The following CDK14 variants were observed in gnomAD, a reference collection of about 807,000 sequenced individuals.
CDK14 encodes cyclin dependent kinase 14.
Under a neutral mutation model 60.7 loss-of-function variants are expected in CDK14, and 34 were observed. The observed-to-expected ratio is 0.56, with a 90% confidence interval of 0.43 to 0.75. The LOEUF is 0.75. Among genes scored for constraint, CDK14 ranks in the 30% least tolerant of loss-of-function variants. The probability of loss-of-function intolerance (pLI) is 0.00; values close to 1 mark genes in which losing one functional copy is unlikely to be tolerated. For synonymous variants in CDK14, 197 were observed against 203.7 expected (o/e 0.97, Z 0.28); for missense variants, 482 against 564.1 (o/e 0.85, Z 1.47).
chr7:90,859,867 A>T (rs1790948254), intron 5 of CDK14, among the ~76,000 whole-genome samples: 1 of 152,176 alleles, frequency 6.6e-6, no homozygotes. Context: ...CAGCAACTAG[A>T]TTCTGAATAA....
intron 2 of CDK14, among the ~76,000 whole-genome samples, chr7:90,662,327 C>T (rs1321556084): frequency 6.6e-6 from 1 of 152,328 alleles, no homozygotes; most frequent in East Asian, 1.9e-4. Context: ...AGTGAACCAG[C>T]ACCCAGGTTA....
intron 5 of CDK14, among the ~76,000 whole-genome samples, chr7:90,837,175 T>G (rs1472827831): frequency 1.3e-5 from 2 of 152,186 alleles, no homozygotes; most frequent in Admixed American, 1.3e-4. Flanking sequence ...TTCCTGGGCA[T>G]TGTGATCACA....
chr7:90,829,734 T>C (rs1298511886), intron 5 of CDK14, among the ~76,000 whole-genome samples: 1 of 152,156 alleles, frequency 6.6e-6, no homozygotes, highest in Non-Finnish European at 1.5e-5. Flanking sequence ...GGTTTCACCA[T>C]GTTGGTCAGG....
intron 4 of CDK14, among the ~76,000 whole-genome samples, chr7:90,756,253 G>A (rs1161676140): frequency 6.6e-6 from 1 of 152,130 alleles, no homozygotes; most frequent in Non-Finnish European, 1.5e-5. Flanking sequence ...ATAAGAAAAC[G>A]AACCACTTGG....
At chr7:90,686,590 AGGAC>A (rs1367171719) in intron 2 of CDK14, among the ~76,000 whole-genome samples, 7 of 152,202 alleles carry the variant, frequency 4.6e-5, no homozygotes, top group African/African-American at 1.7e-4. Flanking sequence ...GTAAAAGAAA[AGGAC>A]TCTGTCTTAA....
intron 5 of CDK14, among the ~76,000 whole-genome samples, chr7:90,812,366 G>A (rs1271802768): frequency 6.6e-6 from 1 of 151,846 alleles, no homozygotes; most frequent in Non-Finnish European, 1.5e-5. Context: ...CTATCGCAAG[G>A]ACAAAAAACC....
intron 2 of CDK14, among the ~76,000 whole-genome samples, chr7:90,628,045 C>G (rs1799911756): frequency 6.6e-6 from 1 of 152,182 alleles, no homozygotes; most frequent in Non-Finnish European, 1.5e-5. Context: ...GCCTTGACCT[C>G]CCAGGGTCAA....
chr7:90,798,566 A>G (rs1788523839), intron 5 of CDK14, among the ~76,000 whole-genome samples: 1 of 152,194 alleles, frequency 6.6e-6, no homozygotes, highest in Non-Finnish European at 1.5e-5. Flanking sequence ...TTTACAAAAT[A>G]TCAACAGCGG....
chr7:90,785,734 C>G (rs181578815), intron 4 of CDK14, among the ~76,000 whole-genome samples: 1 of 139,710 alleles, frequency 7.2e-6, no homozygotes, highest in African/African-American at 2.7e-5. Context: ...TTACAGTGAG[C>G]TGAGATCATG....
At chr7:91,086,881 CAAAAT>C (rs1424637437) in intron 12 of CDK14, among the ~76,000 whole-genome samples, 1 of 152,140 alleles carries the variant, frequency 6.6e-6, no homozygotes, top group Non-Finnish European at 1.5e-5. Flanking sequence ...TGTTCAGCCT[CAAAAT>C]AAAGATGAAT....
At chr7:90,725,426 A>G (rs113277928) in intron 2 of CDK14, among the ~76,000 whole-genome samples, 113 of 152,234 alleles carry the variant, frequency 7.4e-4, no homozygotes, top group African/African-American at 2.5e-3. Flanking sequence ...TATACCCCAC[A>G]TGGAGTCATT....
At chr7:90,808,696 A>T (rs1467102350) in intron 5 of CDK14, among the ~76,000 whole-genome samples, 1 of 152,192 alleles carries the variant, frequency 6.6e-6, no homozygotes, top group Admixed American at 6.5e-5. Context: ...GTCAAGACCC[A>T]TCAGTGTGCT....
chr7:91,095,730 A>C (rs1482092309), intron 12 of CDK14, among the ~76,000 whole-genome samples: 1 of 152,060 alleles, frequency 6.6e-6, no homozygotes, highest in African/African-American at 2.4e-5. Flanking sequence ...AAGATTAATA[A>C]AAAATATATA....
At chr7:91,041,904 G>T (rs1177291278) in intron 10 of CDK14, among the ~76,000 whole-genome samples, 2 of 152,148 alleles carry the variant, frequency 1.3e-5, no homozygotes, top group African/African-American at 4.8e-5. Context: ...CTGGTGCCGG[G>T]CACATGGTGC....
chr7:90,773,843 C>CCTCATCTCCT (rs1804886623), intron 4 of CDK14, among the ~76,000 whole-genome samples: 1 of 78,660 alleles, frequency 1.3e-5, no homozygotes, highest in African/African-American at 5.2e-5. Flanking sequence ...TCTTCTCTTC[C>CCTCATCTCCT]CTCCTCTCCT....
chr7:91,038,693 C>A (rs763807541), intron 10 of CDK14, among the ~76,000 whole-genome samples: 1 of 152,150 alleles, frequency 6.6e-6, no homozygotes, highest in Non-Finnish European at 1.5e-5. Flanking sequence ...AATTGTAACT[C>A]CCACAATTCC....
chr7:91,065,988 A>G (rs2116151787), intron 11 of CDK14, among the ~76,000 whole-genome samples: 1 of 152,328 alleles, frequency 6.6e-6, no homozygotes, highest in South Asian at 2.1e-4. Context: ...AGCAACCCCC[A>G]GAAAGGTACT....
At chr7:90,988,207 C>A (rs1308415152) in intron 10 of CDK14, among the ~76,000 whole-genome samples, 1 of 152,088 alleles carries the variant, frequency 6.6e-6, no homozygotes, top group East Asian at 1.9e-4. Context: ...TTAACAAGTT[C>A]AGTGAATTCA....
chr7:90,683,379 A>G (rs1265814725), intron 2 of CDK14, among the ~76,000 whole-genome samples: 1 of 152,206 alleles, frequency 6.6e-6, no homozygotes, highest in African/African-American at 2.4e-5. Context: ...TCTTAGTGAT[A>G]TGCCCAACTA....
Sources: allele counts gnomAD v4.1 joint callset (sites outside exome capture counted in the v4.1 genomes callset), GRCh38; gene constraint gnomAD v4.1.1; transcripts MANE v1.5; gene names NCBI Gene and HGNC (gene_info 2026-07-23, HGNC 2026-07-21).